COPS6: variants seen among roughly 807,000 people sequenced by gnomAD.
COPS6 encodes the protein COP9 signalosome subunit 6.
A neutral mutation model predicts 41.0 loss-of-function variants in COPS6; 9 were observed. The ratio of observed to expected loss-of-function variants is 0.22; its 90% CI spans 0.13 to 0.38. COPS6 has a LOEUF of 0.38. COPS6 is among the 10% of genes least tolerant of loss of function. The pLI is 1.00. For synonymous variants in COPS6, 179 were observed against 162.9 expected (o/e 1.10, Z -0.75); for missense variants, 302 against 436.7 (o/e 0.69, Z 2.75).
chr7:100,090,856 C>T (rs773157631), intron 5 of COPS6, 46 bp from the exon 6 acceptor site: 2 of 1,606,774 alleles, frequency 1.2e-6, no homozygotes, highest in East Asian at 2.2e-5. Flanking sequence ...AGCAGCTAGC[C>T]CAAATGTTGG....
In COPS6 at chr7:100,091,280, T is replaced by C; in HGVS notation, c.692T>C (p.Leu231Pro). 1.2e-6 allele frequency: 2 copies of C among 1,614,196 alleles called. No homozygotes were observed. The highest frequency in any genetic ancestry group is 1.7e-6 in the Non-Finnish European group (2 of 1,180,016). ...GCACAGCACAGCGCCATCAAGATGC[T>C]GCACAGCCGCGTCAAGCTCATCTTG... ...LIAQHSAIKM[L>P]HSRVKLILEY... Residue 231 changes from leucine to proline, a missense_variant, in exon 8 of 10, where the codon CTG (leucine) becomes CCG (proline). Leu to Pro is a moderately conservative substitution (Grantham distance 98). Transcript: ENST00000303904. The surrounding 1 kb of genome is among the most constrained non-coding windows in gnomAD (Gnocchi z 4.1).
Position 100,090,673 on chromosome 7 carries a change from C to G in COPS6, c.486+19C>G, listed in dbSNP as rs779593299. The G allele has an allele frequency of 5.6e-6, 9 of 1,608,886 alleles. No individual in the cohort carries two copies. Among genetic ancestry groups the G allele is most frequent in the Non-Finnish European group, 6.8e-6 (8 of 1,175,206 alleles). On this transcript the variant is annotated intron_variant, in intron 5 of 9. Transcript: ENST00000303904. Reference sequence around the variant, plus strand: ...CACAGATGTGAGTAATACTCCATGCCTACTCTGTCATGATTGTCGCTATAC... The same window carrying G: ...CACAGATGTGAGTAATACTCCATGCGTACTCTGTCATGATTGTCGCTATAC...
chr7:100,088,995 C>CGGG lies in COPS6; in HGVS notation c.7_8insGGG (p.Ala2_Ala3insGly). On this transcript the variant is annotated inframe_insertion, in exon 1 of 10. Transcript: ENST00000303904. The stretch of plus-strand genomic sequence containing the variant: ...AGGCTGGCGGGCGCGGGGAAAATGG[C>CGGG]GGCGGCGGCGGCGGCGGCTGCAGCT... 7.8e-7 allele frequency: 1 copy of CGGG among 1,279,692 alleles called. No homozygotes were observed. Among genetic ancestry groups the CGGG allele is most frequent in the South Asian group, 2.8e-5 (1 of 35,940 alleles). 79.3% of individuals were successfully genotyped at this position (1,279,692 alleles called of 1,614,324 possible). A position where few individuals can be genotyped will look rare whatever the true frequency, so the allele number is the denominator to read the frequency against.
intron 5 of COPS6, 74 bp from the exon 6 acceptor site, chr7:100,090,828 T>C: frequency 5.8e-6 from 9 of 1,548,672 alleles, no homozygotes; most frequent in Non-Finnish European, 8.0e-6. Flanking sequence ...CTTGGGAAGA[T>C]GAGAGGAAAT....
Position 100,088,970 on chromosome 7 carries a change from A to C in COPS6, c.-21A>C. On this transcript the variant is annotated 5_prime_UTR_variant, in exon 1 of 10. Transcript: ENST00000303904. ...GCCGGGAAGGAAGGGGGCGGGGCCG[A>C]GGCTGGCGGGCGCGGGGAAAATGGC... 7.6e-7 allele frequency: 1 copy of C among 1,318,612 alleles called. No individual in the cohort carries two copies. The allele number at this position is 1,318,612 out of a possible 1,614,324, so 81.7% of individuals were successfully genotyped here. A position where few individuals can be genotyped will look rare whatever the true frequency, so the allele number is the denominator to read the frequency against.
rs755909532 is a variant in COPS6 at position 100,091,522 on chromosome 7, T to C, written c.843+2T>C. ...AAGTTCAAGACAGATTTTTATGATG[T>C]GAGTGTAAAACCCGGATGGGGAGGC... On this transcript the variant is annotated splice_donor_variant, in intron 9 of 9. Coordinates refer to ENST00000303904, the MANE Select transcript of COPS6 (RefSeq NM_006833.5). LOFTEE classifies it high-confidence loss of function. This position sits in a 1 kb window ranked among gnomAD's most constrained non-coding sequence, Gnocchi z 4.1. 4 of 1,614,068 alleles carry C rather than the reference T, an allele frequency of 2.5e-6. No individual in the cohort carries two copies. The highest frequency in any genetic ancestry group is 3.4e-6 in the Non-Finnish European group (4 of 1,179,928).
At position 100,091,576 on chromosome 7, in the gene COPS6, G is replaced by A; in HGVS notation, c.843+56G>A. 1 of 1,613,834 alleles carries A rather than the reference G, an allele frequency of 6.2e-7. No homozygotes were observed. The highest frequency in any genetic ancestry group is 8.5e-7 in the Non-Finnish European group (1 of 1,179,752). On this transcript the variant is annotated intron_variant, in intron 9 of 9. Coordinates refer to ENST00000303904, the MANE Select transcript of COPS6 (RefSeq NM_006833.5). The surrounding 1 kb of genome is among the most constrained non-coding windows in gnomAD (Gnocchi z 4.1). ...GCTTATGCTGTCACTTTCACGTGCA[G>A]GACTGGGGACTGTTGTTCCCCGGGC... is the stretch of plus-strand genomic sequence containing the variant.
chr7:100,089,131 G>A (rs1795275699), intron 1 of COPS6, 65 bp downstream of exon 1: 4 of 1,464,162 alleles, frequency 2.7e-6, no homozygotes, highest in South Asian at 2.9e-5. Context: ...GCCTCCCTGT[G>A]CTCCCGGGAG....
Position 100,092,173 on chromosome 7 carries a change from T to C in COPS6, c.*384T>C. On this transcript the variant is annotated 3_prime_UTR_variant, in exon 10 of 10. Transcript: ENST00000303904. ...CCTAGCCCACCCAACCTTATAAACA[T>C]GATAATTGACTACTTTCCTGAGCTA... 2 of 189,442 alleles carry C rather than the reference T, an allele frequency of 1.1e-5. No individual in the cohort carries two copies. The highest frequency in any genetic ancestry group is 1.4e-4 in the South Asian group (1 of 7,346). 11.7% of individuals were successfully genotyped at this position (189,442 alleles called of 1,614,324 possible).
chr7:100,089,494 G>A (rs1795282356), intron 2 of COPS6, 79 bp downstream of exon 2: 13 of 1,605,054 alleles, frequency 8.1e-6, no homozygotes, highest in African/African-American at 1.3e-5. Flanking sequence ...TTCCTCTACT[G>A]GAGCCAATTC....
In COPS6 at chr7:100,089,385, A is replaced by G. The variant is rs1795280864; in HGVS notation, c.172A>G (p.Met58Val). The change falls in exon 2 of 10, where the codon ATG (methionine) becomes GTG (valine). Residue 58 changes from methionine (M) to valine (V), a missense_variant. Around this residue, in one of 3 missense-constraint regions of COPS6, gnomAD observed 76 missense variants for 97.9 expected, o/e 0.78. Coordinates refer to ENST00000303904, the MANE Select transcript of COPS6 (RefSeq NM_006833.5). ...ILNISDHWIR[M>V]RSQEGRPVQV... ...CAACATCTCAGACCACTGGATCCGCATGCGCTCCCAGGAGGGGCGGCCTGT... is the reference window on the plus strand; with the variant it reads ...CAACATCTCAGACCACTGGATCCGCGTGCGCTCCCAGGAGGGGCGGCCTGT... 2 of 1,614,006 alleles carry G rather than the reference A, an allele frequency of 1.2e-6. No individual in the cohort carries two copies. Among genetic ancestry groups the G allele is most frequent in the Non-Finnish European group, 1.7e-6 (2 of 1,180,012 alleles).
rs765086793 is a variant in COPS6, at chr7:100,090,504, C to T, written c.423+17C>T. 1 of 1,609,814 alleles carries T rather than the reference C, an allele frequency of 6.2e-7. No individual in the cohort carries two copies. The highest frequency in any genetic ancestry group is 8.5e-7 in the Non-Finnish European group (1 of 1,176,080). On this transcript the variant is annotated intron_variant, in intron 4 of 9. Coordinates refer to ENST00000303904, the MANE Select transcript of COPS6 (RefSeq NM_006833.5). ...CATAAGCAGGTATGCATGCTCACAC[C>T]TGTGCATGCTGGGGCAGAGAATGGA...
chr7:100,091,379 G>A lies in COPS6; in HGVS notation c.743-41G>A. ...TTCTTCCTCTCCCTCCTGGGGAAGTGACAGCATCCAAACTAATGTAGTCTC... is the reference window on the plus strand; with the variant it reads ...TTCTTCCTCTCCCTCCTGGGGAAGTAACAGCATCCAAACTAATGTAGTCTC... On this transcript the variant is annotated intron_variant, in intron 8 of 9. Transcript: ENST00000303904. This position sits in a 1 kb window ranked among gnomAD's most constrained non-coding sequence, Gnocchi z 4.1. 3 of 1,613,228 alleles carry A rather than the reference G, an allele frequency of 1.9e-6. No individual in the cohort carries two copies. The highest frequency in any genetic ancestry group is 2.5e-6 in the Non-Finnish European group (3 of 1,179,144).
rs1795271452 is a variant in COPS6 at position 100,088,977 on chromosome 7, C to T, written c.-14C>T. ...AGGAAGGGGGCGGGGCCGAGGCTGG[C>T]GGGCGCGGGGAAAATGGCGGCGGCG... On this transcript the variant is annotated 5_prime_UTR_variant, in exon 1 of 10. Coordinates refer to ENST00000303904, the MANE Select transcript of COPS6 (RefSeq NM_006833.5). 3.0e-6 allele frequency: 4 copies of T among 1,315,864 alleles called. No homozygotes were observed. The highest frequency in any genetic ancestry group is 5.0e-5 in the South Asian group (2 of 39,850). The allele number at this position is 1,315,864 out of a possible 1,614,324, so 81.5% of individuals were successfully genotyped here. A position where few individuals can be genotyped will look rare whatever the true frequency, so the allele number is the denominator to read the frequency against.
rs1795298811 is a variant in COPS6 at position 100,090,506 on chromosome 7, G to A, written c.423+19G>A. 6.2e-7 allele frequency: 1 copy of A among 1,612,770 alleles called. No individual in the cohort carries two copies. Among genetic ancestry groups the A allele is most frequent in the East Asian group, 2.2e-5 (1 of 44,870 alleles). ...TAAGCAGGTATGCATGCTCACACCT[G>A]TGCATGCTGGGGCAGAGAATGGAGA... On this transcript the variant is annotated intron_variant, in intron 4 of 9. Transcript: ENST00000303904.
chr7:100,090,221 G>A (rs1347335403), intron 3 of COPS6, 178 bp from the exon 4 acceptor site: 4 of 597,778 alleles, frequency 6.7e-6, no homozygotes, highest in South Asian at 2.0e-5. Flanking sequence ...GGTGGTGCGT[G>A]CCTGTAGTCC....
Position 100,091,479 on chromosome 7 carries a change from C to G in COPS6, c.802C>G (p.Pro268Ala). ...GGCCTATGCTCTGTGTCACTGTCTC[C>G]CGGTGCTCAGCACAGACAAGTTCAA... is the stretch of plus-strand genomic sequence containing the variant. ...REAYALCHCL[P>A]VLSTDKFKTD... The change falls in exon 9 of 10, where the codon CCG becomes GCG. Residue 268 changes from proline (P) to alanine (A), a missense_variant. By Grantham distance (27) the Pro-to-Ala change is conservative. Transcript: ENST00000303904. This position sits in a 1 kb window ranked among gnomAD's most constrained non-coding sequence, Gnocchi z 4.1. The G allele has an allele frequency of 2.5e-6, 4 of 1,614,144 alleles. No individual in the cohort carries two copies. The highest frequency in any genetic ancestry group is 3.4e-6 in the Non-Finnish European group (4 of 1,180,020).
chr7:100,090,682 C>A, intron 5 of COPS6, 28 bp downstream of exon 5: 1 of 1,603,626 alleles, frequency 6.2e-7, no homozygotes, highest in Non-Finnish European at 8.5e-7. Context: ...CCTACTCTGT[C>A]ATGATTGTCG....
rs1468068984 is a variant in COPS6, at chr7:100,089,616, G to A, written c.204G>A (p.Val68=). Reference sequence around the variant, plus strand: ...TTTCCATGTCATTCTCTTTCCCAGTGATTGGGGCTCTGATTGGCAAGCAGG... The same window carrying A: ...TTTCCATGTCATTCTCTTTCCCAGTAATTGGGGCTCTGATTGGCAAGCAGG... ...MRSQEGRPVQ[V]IGALIGKQEG... is the part of the protein sequence containing the mutation. Residue 68 remains valine (V), a splice_region_variant and synonymous_variant, in exon 3 of 10, where the codon GTG becomes GTA. Coordinates refer to ENST00000303904, the MANE Select transcript of COPS6 (RefSeq NM_006833.5). 1 of 1,612,516 alleles carries A rather than the reference G, an allele frequency of 6.2e-7. No individual in the cohort carries two copies. The highest frequency in any genetic ancestry group is 8.5e-7 in the Non-Finnish European group (1 of 1,179,500).
Sources: gnomAD v4.1 joint callset for allele counts on GRCh38, gnomAD v4.1.1 for gene constraint, gnomAD v4.1.1 regional missense constraint, Gnocchi (gnomAD v3.1) non-coding constraint, MANE v1.5 for transcripts, NCBI Gene and HGNC (gene_info 2026-07-23, HGNC 2026-07-21) for gene names.